Variants in EBF2 observed in about 807,000 individuals in gnomAD.
EBF2 encodes EBF transcription factor 2.
In EBF2, 21 loss-of-function variants were observed where a neutral mutation model predicts 72.8. The observed-to-expected ratio is 0.29, with a 90% confidence interval of 0.20 to 0.42. The LOEUF (loss-of-function observed/expected upper bound fraction) is 0.42, where lower values mean the gene tolerates loss of function less well. Ranked by LOEUF, EBF2 falls within the 10% of genes least tolerant of loss-of-function variation. The probability of loss-of-function intolerance (pLI) is 1.00; values close to 1 mark genes in which losing one functional copy is unlikely to be tolerated. For missense variants in EBF2, 637 were observed against 731.2 expected, an observed-to-expected ratio of 0.87 and a Z score of 1.49; for synonymous variants, 299 against 274.2, an observed-to-expected ratio of 1.09 and a Z score of -0.89.
intron 10 of EBF2, among the ~76,000 whole-genome samples, chr8:25,883,604 G>A (rs1272655914): frequency 1.3e-5 from 2 of 152,108 alleles, no homozygotes; most frequent in Non-Finnish European, 2.9e-5. Flanking sequence ...AATTTAAAGT[G>A]TGGCCAAGGG....
At chr8:26,001,912 C>G (rs751660431) in intron 6 of EBF2, among the ~76,000 whole-genome samples, 5 of 152,188 alleles carry the variant, frequency 3.3e-5, no homozygotes, top group Non-Finnish European at 7.4e-5. Context: ...TACACAGCCT[C>G]TGGATCCTAA....
At chr8:25,915,276 GC>G (rs1486396881) in intron 6 of EBF2, among the ~76,000 whole-genome samples, 2 of 150,750 alleles carry the variant, frequency 1.3e-5, no homozygotes, top group Non-Finnish European at 2.9e-5. Flanking sequence ...GCTTGGCCAA[GC>G]TTTGGAAAAA....
chr8:26,010,829 T>C (rs1804969406), intron 6 of EBF2, among the ~76,000 whole-genome samples: 1 of 152,204 alleles, frequency 6.6e-6, no homozygotes. Flanking sequence ...GCTCTTTCTG[T>C]CCTTCATCAC....
At chr8:26,001,079 T>C (rs1430608756) in intron 6 of EBF2, among the ~76,000 whole-genome samples, 3 of 152,148 alleles carry the variant, frequency 2.0e-5, no homozygotes, top group Non-Finnish European at 4.4e-5. Context: ...GTCTTTGGGG[T>C]ACCTAAAAAG....
At chr8:26,007,430 T>A (rs906242843) in intron 6 of EBF2, among the ~76,000 whole-genome samples, 2 of 152,192 alleles carry the variant, frequency 1.3e-5, no homozygotes, top group Non-Finnish European at 1.5e-5. Flanking sequence ...GCCAATATTG[T>A]CATTTACTGC....
At chr8:25,971,501 G>A (rs1213754333) in intron 6 of EBF2, among the ~76,000 whole-genome samples, 1 of 152,130 alleles carries the variant, frequency 6.6e-6, no homozygotes, top group Non-Finnish European at 1.5e-5. Context: ...CAAGCACCGC[G>A]CTCTGGGTTC....
intron 6 of EBF2, among the ~76,000 whole-genome samples, chr8:25,993,159 G>A (rs1380727037): frequency 6.6e-6 from 1 of 152,142 alleles, no homozygotes; most frequent in Admixed American, 6.5e-5. Flanking sequence ...CTAAGTGGTG[G>A]CCTCAAGCAA....
chr8:26,005,542 T>TTA (rs753242991), intron 6 of EBF2, among the ~76,000 whole-genome samples: 38 of 40,218 alleles, frequency 9.4e-4, no homozygotes, highest in South Asian at 3.2e-3. Context: ...TATATATATT[T>TTA]TATATATATA....
chr8:25,999,125 A>G (rs1445519827), intron 6 of EBF2, among the ~76,000 whole-genome samples: 2 of 152,252 alleles, frequency 1.3e-5, no homozygotes. Flanking sequence ...AAACAAGCTT[A>G]GAGAAAAACA....
chr8:25,899,253 TC>T (rs1318612566), intron 7 of EBF2, among the ~76,000 whole-genome samples: 2 of 151,834 alleles, frequency 1.3e-5, no homozygotes, highest in Non-Finnish European at 2.9e-5. Context: ...TTTTTTTTTT[TC>T]TGACTCCAAA....
At chr8:25,897,882 A>G (rs1413914524) in intron 7 of EBF2, among the ~76,000 whole-genome samples, 1 of 152,168 alleles carries the variant, frequency 6.6e-6, no homozygotes. Context: ...ATACCCAGCA[A>G]TGGGATTGCT....
chr8:25,958,485 C>T (rs1563192599), intron 6 of EBF2, among the ~76,000 whole-genome samples: 1 of 151,774 alleles, frequency 6.6e-6, no homozygotes, highest in Non-Finnish European at 1.5e-5. Context: ...TTTTTTTGGC[C>T]AGAAACTTTA....
intron 6 of EBF2, among the ~76,000 whole-genome samples, chr8:25,925,174 C>T (rs1276181351): frequency 6.6e-6 from 1 of 152,124 alleles, no homozygotes; most frequent in Non-Finnish European, 1.5e-5. Context: ...CACCTCAGTC[C>T]CGAGAATATT....
chr8:26,000,231 G>C (rs887964471), intron 6 of EBF2, among the ~76,000 whole-genome samples: 4 of 152,124 alleles, frequency 2.6e-5, no homozygotes, highest in African/African-American at 9.7e-5. Context: ...AAAGGGTGAT[G>C]TATATATTTG....
rs143012731 is a variant in EBF2, at chr8:25,906,544, A to T, written c.633+1930T>A. Among the ~76,000 whole-genome samples, 31 of 152,250 alleles carry T rather than the reference A, an allele frequency of 2.0e-4. No individual in the cohort carries two copies. In the East Asian group the frequency reaches 4.8e-3, roughly 24 times the overall value. ...CAATTTAGAAGGCTGAGTCGGGTGG[A>T]TCACTTGAGGTCTGGAGTTTCAGAC... is the stretch of plus-strand genomic sequence containing the variant. On this transcript the variant is annotated intron_variant, in intron 7 of 15. Transcript: ENST00000520164.
intron 6 of EBF2, among the ~76,000 whole-genome samples, chr8:25,998,615 T>G (rs1585221310): frequency 6.6e-6 from 1 of 152,194 alleles, no homozygotes; most frequent in East Asian, 1.9e-4. Flanking sequence ...TGGGTTGTGT[T>G]TCAGAGTGTC....
At chr8:25,922,218 A>C (rs1346927924) in intron 6 of EBF2, among the ~76,000 whole-genome samples, 2 of 151,812 alleles carry the variant, frequency 1.3e-5, no homozygotes, top group African/African-American at 4.8e-5. Flanking sequence ...AACTTTCCAA[A>C]TAACTTCCAA....
intron 15 of EBF2, 132 bp downstream of exon 15, chr8:25,850,462 T>C (rs1801939859): frequency 5.3e-6 from 6 of 1,139,892 alleles, no homozygotes; most frequent in Middle Eastern, 3.1e-4. Context: ...AAGCCATTCA[T>C]GTCCCATGAT....
At chr8:25,864,713 T>C (rs1802273863) in intron 10 of EBF2, among the ~76,000 whole-genome samples, 1 of 152,196 alleles carries the variant, frequency 6.6e-6, no homozygotes, top group African/African-American at 2.4e-5. Context: ...AGTCACCCTA[T>C]TGAGGTTGTA....
Sources: gnomAD v4.1 joint callset for allele counts (sites outside exome capture counted in the v4.1 genomes callset) on GRCh38, gnomAD v4.1.1 for gene constraint, MANE v1.5 for transcripts, NCBI Gene and HGNC (gene_info 2026-07-23, HGNC 2026-07-21) for gene names.